The following NSRP1 variants were observed in gnomAD, a reference collection of about 807,000 sequenced individuals.
The protein encoded by NSRP1 is nuclear speckle splicing regulatory protein 1, also known as coiled-coil domain containing 55.
NSRP1 carries 24 observed loss-of-function variants against 54.7 expected under a neutral mutation model. The ratio of observed to expected loss-of-function variants is 0.44; its 90% CI spans 0.32 to 0.62. The LOEUF is 0.62. Ranked by LOEUF, NSRP1 falls within the 20% of genes least tolerant of loss-of-function variation. The probability of loss-of-function intolerance (pLI) is 0.06; values close to 1 mark genes in which losing one functional copy is unlikely to be tolerated. For missense variants in NSRP1, 596 were observed against 651.2 expected, an observed-to-expected ratio of 0.92 and a Z score of 0.92; for synonymous variants, 210 against 213.8, an observed-to-expected ratio of 0.98 and a Z score of 0.15.
intron 2 of NSRP1, among the ~76,000 whole-genome samples, chr17:30,145,963 CT>C (rs2071851454): frequency 6.6e-6 from 1 of 152,024 alleles, no homozygotes. Flanking sequence ...AATTCCCCCA[CT>C]TTTGTCTTCC....
chr17:30,141,664 TGGCACAAACAAATTG>T (rs1200373477), intron 2 of NSRP1, among the ~76,000 whole-genome samples: 1 of 152,228 alleles, frequency 6.6e-6, no homozygotes, highest in Admixed American at 6.5e-5. Flanking sequence ...CTTTGTTAAT[TGGCACAAACAAATTG>T]GTTATCGTGA....
chr17:30,126,190 A>G (rs1290647887), intron 2 of NSRP1: 1 of 152,180 alleles, frequency 6.6e-6, no homozygotes, highest in Middle Eastern at 3.2e-3. Flanking sequence ...TTATATTTAA[A>G]ATCTAAAGTG....
At chr17:30,165,462 C>T (rs1229827670) in intron 2 of NSRP1, among the ~76,000 whole-genome samples, 1 of 152,178 alleles carries the variant, frequency 6.6e-6, no homozygotes, top group Non-Finnish European at 1.5e-5. Flanking sequence ...CTGTACATTT[C>T]TTTGAAGTTT....
intron 2 of NSRP1, among the ~76,000 whole-genome samples, chr17:30,153,957 G>T (rs2071937180): frequency 6.6e-6 from 1 of 152,128 alleles, no homozygotes; most frequent in African/African-American, 2.4e-5. Flanking sequence ...TCAGAAAGTT[G>T]TATAGCCCTG....
At chr17:30,165,771 C>T (rs1375312550) in intron 2 of NSRP1, among the ~76,000 whole-genome samples, 1 of 152,168 alleles carries the variant, frequency 6.6e-6, no homozygotes, top group Non-Finnish European at 1.5e-5. Flanking sequence ...CCTCCATTTT[C>T]CTGTTTATGG....
chr17:30,117,883 C>T, intron 1 of NSRP1, 197 bp from the exon 2 acceptor site: 1 of 440,452 alleles, frequency 2.3e-6, no homozygotes, highest in Non-Finnish European at 4.0e-6. Context: ...CACAAATGAT[C>T]ACTTAGAGTA....
chr17:30,172,014 T>TCTCTCACACACA (rs144705088), intron 2 of NSRP1, among the ~76,000 whole-genome samples: 6 of 131,056 alleles, frequency 4.6e-5, no homozygotes, highest in African/African-American at 1.1e-4. Context: ...TCTCTCTCTC[T>TCTCTCACACACA]CACATGTTCA....
intron 2 of NSRP1, chr17:30,122,359 A>ATATATATG (rs2071607207): frequency 6.8e-5 from 1 of 14,744 alleles, no homozygotes; most frequent in Admixed American, 1.1e-3. Flanking sequence ...TTTCATATAT[A>ATATATATG]TATATATATA....
chr17:30,116,986 A>T, intron 1 of NSRP1, 123 bp downstream of exon 1: 1 of 1,253,770 alleles, frequency 8.0e-7, no homozygotes, highest in Admixed American at 2.0e-5. Flanking sequence ...TAGAGACGGG[A>T]AAAAACGAGA....
At position 30,184,512 on chromosome 17, in the gene NSRP1, T is replaced by C. The variant is rs1905432476; in HGVS notation, c.618-103T>C. 3.6e-6 allele frequency: 5 copies of C among 1,392,802 alleles called. No homozygotes were observed. The South Asian group carries it at 8.1e-5, about 23-fold the overall frequency. The allele number at this position is 1,392,802 out of a possible 1,614,324, so 86.3% of individuals were successfully genotyped here. Reference sequence around the variant, plus strand: ...CAGACAGTATATATCACTATAGGTGTATTGATTTGAGTATTGATAAAAATT... The same window carrying C: ...CAGACAGTATATATCACTATAGGTGCATTGATTTGAGTATTGATAAAAATT... On this transcript the variant is annotated intron_variant, in intron 6 of 6. Transcript: ENST00000247026.
intron 2 of NSRP1, among the ~76,000 whole-genome samples, chr17:30,149,076 TG>T (rs1291979831): frequency 2.0e-5 from 3 of 152,348 alleles, no homozygotes; most frequent in Non-Finnish European, 4.4e-5. Context: ...GTGTTTTCAG[TG>T]TTATACATTT....
At chr17:30,137,698 C>CT (rs2071762436) in intron 2 of NSRP1, among the ~76,000 whole-genome samples, 1 of 152,096 alleles carries the variant, frequency 6.6e-6, no homozygotes, top group South Asian at 2.1e-4. Context: ...TTTGTCAGCT[C>CT]TTTTTTCAGC....
At chr17:30,153,891 C>T (rs1175339543) in intron 2 of NSRP1, among the ~76,000 whole-genome samples, 2 of 152,130 alleles carry the variant, frequency 1.3e-5, no homozygotes, top group Non-Finnish European at 1.5e-5. Flanking sequence ...TCTATAGCCA[C>T]GTGTGACTGG....
intron 2 of NSRP1, among the ~76,000 whole-genome samples, chr17:30,124,109 TAAA>T (rs35798766): frequency 7.2e-6 from 1 of 138,902 alleles, no homozygotes; most frequent in African/African-American, 2.6e-5. Context: ...CCCGTCTCTA[TAAA>T]AAAAAAAAAA....
At chr17:30,169,690 A>G (rs894722161) in intron 2 of NSRP1, among the ~76,000 whole-genome samples, 2 of 152,182 alleles carry the variant, frequency 1.3e-5, no homozygotes, top group South Asian at 2.1e-4. Flanking sequence ...TTTGTTATCA[A>G]CATCTTTCCC....
At chr17:30,134,421 A>T (rs2071730301) in intron 2 of NSRP1, among the ~76,000 whole-genome samples, 1 of 152,236 alleles carries the variant, frequency 6.6e-6, no homozygotes, top group Admixed American at 6.5e-5. Context: ...GGGTTGCCAC[A>T]CATCTTCAAT....
intron 1 of NSRP1, 165 bp from the exon 2 acceptor site, chr17:30,117,915 A>G (rs2071557300): frequency 8.9e-6 from 5 of 561,564 alleles, no homozygotes; most frequent in Non-Finnish European, 1.6e-5. Flanking sequence ...ATCTTACGGC[A>G]TGTTAGAATT....
At chr17:30,130,840 G>C (rs1266905759) in intron 2 of NSRP1, among the ~76,000 whole-genome samples, 5 of 152,028 alleles carry the variant, frequency 3.3e-5, no homozygotes, top group African/African-American at 1.2e-4. Context: ...TGTCATCCAT[G>C]TGCTGGGTTA....
intron 2 of NSRP1, among the ~76,000 whole-genome samples, chr17:30,162,024 C>CT (rs200678690): frequency 1.3e-3 from 167 of 127,572 alleles, no homozygotes; most frequent in African/African-American, 1.9e-3. Flanking sequence ...ATAGCCATGT[C>CT]TTTTTTTTTT....
Sources: gnomAD v4.1 joint callset for allele counts (sites outside exome capture counted in the v4.1 genomes callset) on GRCh38, gnomAD v4.1.1 for gene constraint, MANE v1.5 for transcripts, NCBI Gene and HGNC (gene_info 2026-07-23, HGNC 2026-07-21) for gene names.